The following MIB1 variants were observed in gnomAD, a reference collection of about 807,000 sequenced individuals.
MIB1 encodes E3 ubiquitin-protein ligase MIB1.
A neutral mutation model predicts 124.5 loss-of-function variants in MIB1; 278 were observed. The observed-to-expected ratio is 2.23, with a 90% CI of 2.02 to 2.47. The LOEUF is 2.47. MIB1 is among the 30% of genes most tolerant of loss of function. The probability of loss-of-function intolerance (pLI) is 0.00; values close to 1 mark genes in which losing one functional copy is unlikely to be tolerated. For missense variants in MIB1, 957 were observed against 1,254.4 expected (o/e 0.76, Z 3.58); for synonymous variants, 446 against 429.4 (o/e 1.04, Z -0.48).
upstream of MIB1, chr18:21,704,944 G>A (rs2040609712): frequency 1.5e-5 from 4 of 272,638 alleles, no homozygotes; most frequent in South Asian, 6.2e-4. Flanking sequence ...CCGGCCACCG[G>A]GAGGGCGGGC....
chr18:21,814,980 T>C (rs2146473242), intron 10 of MIB1, among the ~76,000 whole-genome samples: 1 of 127,878 alleles, frequency 7.8e-6, no homozygotes, highest in South Asian at 2.5e-4. Flanking sequence ...GGCTGATAAA[T>C]GAGGAATGCT....
At chr18:21,784,163 C>T (rs2041405917) in intron 6 of MIB1, among the ~76,000 whole-genome samples, 1 of 151,994 alleles carries the variant, frequency 6.6e-6, no homozygotes, top group East Asian at 1.9e-4. Context: ...ATTCTCCTGC[C>T]TCAGCCTCCC....
chr18:21,767,209 T>G (rs1231454270), intron 2 of MIB1, among the ~76,000 whole-genome samples: 2 of 152,196 alleles, frequency 1.3e-5, no homozygotes, highest in African/African-American at 4.8e-5. Context: ...GAAAGAGGTT[T>G]AATTGACTTA....
At chr18:21,764,409 T>C (rs2146404806) in intron 1 of MIB1, among the ~76,000 whole-genome samples, 1 of 152,328 alleles carries the variant, frequency 6.6e-6, no homozygotes, top group African/African-American at 2.4e-5. Flanking sequence ...TTCTTTCTTA[T>C]CGGGAAGTAC....
At chr18:21,841,777 T>TGA (rs2042091673) in intron 13 of MIB1, among the ~76,000 whole-genome samples, 1 of 152,182 alleles carries the variant, frequency 6.6e-6, no homozygotes, top group Non-Finnish European at 1.5e-5. Flanking sequence ...ACTAAATGTT[T>TGA]GTAGCAGCTA....
At chr18:21,760,847 A>G (rs939213227) in intron 1 of MIB1, among the ~76,000 whole-genome samples, 2 of 152,232 alleles carry the variant, frequency 1.3e-5, no homozygotes, top group African/African-American at 4.8e-5. Context: ...CAGTCAGTTA[A>G]TTCAGGATAA....
intron 12 of MIB1, chr18:21,831,313 T>C (rs1166647521): frequency 6.7e-6 from 1 of 149,620 alleles, no homozygotes; most frequent in African/African-American, 2.5e-5. Context: ...AGAGCTGTAG[T>C]GAAGCTACCT....
chr18:21,832,573 C>A (rs2041993839), intron 12 of MIB1, among the ~76,000 whole-genome samples: 1 of 152,084 alleles, frequency 6.6e-6, no homozygotes, highest in African/African-American at 2.4e-5. Context: ...ACCAGCTATA[C>A]CTTGTTTTTT....
chr18:21,718,000 C>A (rs2040697313), intron 1 of MIB1, among the ~76,000 whole-genome samples: 1 of 152,122 alleles, frequency 6.6e-6, no homozygotes, highest in Admixed American at 6.6e-5. Flanking sequence ...CCCAAATGCC[C>A]ATCAGTCAGT....
chr18:21,760,262 A>G (rs1229518985), intron 1 of MIB1, among the ~76,000 whole-genome samples: 1 of 152,222 alleles, frequency 6.6e-6, no homozygotes, highest in Non-Finnish European at 1.5e-5. Context: ...GGGTGGATGT[A>G]GTGAGGGAAA....
chr18:21,812,242 T>A (rs2041782399), intron 10 of MIB1: 1 of 152,098 alleles, frequency 6.6e-6, no homozygotes, highest in Non-Finnish European at 1.5e-5. Context: ...TAGGATCCCA[T>A]AAGTTGATAA....
chr18:21,754,380 T>A (rs1035141544), intron 1 of MIB1, among the ~76,000 whole-genome samples: 3 of 152,232 alleles, frequency 2.0e-5, no homozygotes, highest in Admixed American at 2.0e-4. Flanking sequence ...CTATTCTGAA[T>A]AGTGTGATGA....
chr18:21,753,457 C>T (rs970571831), intron 1 of MIB1, among the ~76,000 whole-genome samples: 5 of 151,886 alleles, frequency 3.3e-5, no homozygotes, highest in Admixed American at 6.6e-5. Context: ...CAAAGTGTTG[C>T]GATTACAGTG....
chr18:21,772,291 TGTAA>T, intron 3 of MIB1, among the ~76,000 whole-genome samples: 1 of 152,316 alleles, frequency 6.6e-6, no homozygotes, highest in African/African-American at 2.4e-5. Flanking sequence ...TGGCTGTGAT[TGTAA>T]GTATCAAGAT....
rs1233231526 is a variant in MIB1 at position 21,847,185 on chromosome 18, C to T, written c.2393+60C>T. ...CTGTACAGAAAATATCATGTGGTTTCGTAATGGAGGACGTGGCTACTTGAA... is the reference window on the plus strand; with the variant it reads ...CTGTACAGAAAATATCATGTGGTTTTGTAATGGAGGACGTGGCTACTTGAA... On this transcript the variant is annotated intron_variant, in intron 16 of 20. Transcript: ENST00000261537. 32 of 1,377,248 alleles carry T rather than the reference C, an allele frequency of 2.3e-5. No individual in the cohort carries two copies. The Admixed American group carries it at 3.0e-4, about 13-fold the overall frequency. The allele number at this position is 1,377,248 out of a possible 1,614,324, so 85.3% of individuals were successfully genotyped here.
At chr18:21,709,142 C>T (rs2040654241) in intron 1 of MIB1, among the ~76,000 whole-genome samples, 1 of 151,982 alleles carries the variant, frequency 6.6e-6, no homozygotes, top group Non-Finnish European at 1.5e-5. Flanking sequence ...CGGTGAAACC[C>T]CGTCTCTGCT....
intron 15 of MIB1, among the ~76,000 whole-genome samples, chr18:21,845,336 G>A (rs1010116272): frequency 3.9e-5 from 6 of 152,054 alleles, no homozygotes; most frequent in Non-Finnish European, 5.9e-5. Flanking sequence ...TAGTGATTTG[G>A]AAGAGTCAAA....
At chr18:21,771,746 A>G (rs1598602484) in intron 3 of MIB1, among the ~76,000 whole-genome samples, 1 of 152,016 alleles carries the variant, frequency 6.6e-6, no homozygotes, top group South Asian at 2.1e-4. Context: ...TAAAGTTTAC[A>G]TATGCTTTGG....
At chr18:21,838,526 T>A in intron 13 of MIB1, 29 bp downstream of exon 13, 1 of 1,533,332 alleles carries the variant, frequency 6.5e-7, no homozygotes, top group Non-Finnish European at 8.8e-7. Flanking sequence ...AATTCCCTCT[T>A]TTTTATTTTT....
Sources: allele counts gnomAD v4.1 joint callset (sites outside exome capture counted in the v4.1 genomes callset), GRCh38; gene constraint gnomAD v4.1.1; transcripts MANE v1.5; gene names NCBI Gene and HGNC (gene_info 2026-07-23, HGNC 2026-07-21).